Variants in EEF1D observed in about 807,000 individuals in gnomAD.
The protein encoded by EEF1D is elongation factor 1-delta.
Under a neutral mutation model 63.9 loss-of-function variants are expected in EEF1D, and 47 were observed. The ratio of observed to expected loss-of-function variants is 0.74; its 90% CI spans 0.58 to 0.94. The LOEUF is 0.94. Ranked by LOEUF, EEF1D falls within the 40% of genes least tolerant of loss-of-function variation. The pLI is 0.00. For synonymous variants in EEF1D, 412 were observed against 386.1 expected (o/e 1.07, Z -0.79); for missense variants, 907 against 899.0 (o/e 1.01, Z -0.11).
intron 5 of EEF1D, 157 bp downstream of exon 5, chr8:143,586,062 C>A (rs976875827): frequency 2.9e-5 from 17 of 593,886 alleles, no homozygotes; most frequent in Non-Finnish European, 5.1e-5. Flanking sequence ...GCAGTCCGGG[C>A]ATGGAGGTCA....
At chr8:143,581,459 G>A (rs1388332366) in intron 5 of EEF1D, 131 bp from the exon 6 acceptor site, 1 of 759,210 alleles carries the variant, frequency 1.3e-6, no homozygotes, top group Non-Finnish European at 2.1e-6. Flanking sequence ...CCCCGCTGAT[G>A]CCCAGCTCAA....
Position 143,580,201 on chromosome 8 carries a change from A to C in EEF1D, c.1716T>G (p.Asp572Glu), listed in dbSNP as rs752064169. ...CCAGCTGGGCCATGTCCGTCTCATC[A>C]TCCCACTGTGGGGAAAGGGGAGGAA... ...SSILLDVKPW[D>E]DETDMAQLEA... is the part of the protein sequence containing the mutation. Residue 572 changes from aspartate to glutamate, a missense_variant, in exon 9 of 10, where the codon GAT becomes GAG. Transcript: ENST00000618139. 2.9e-5 allele frequency: 47 copies of C among 1,612,748 alleles called. 7 individuals are homozygous for C. In the Admixed American group the frequency reaches 4.2e-4, roughly 14 times the overall value.
At position 143,580,565 on chromosome 8, in the gene EEF1D, TCTC is replaced by T. The variant is rs780613135; in HGVS notation, c.1648_1650del (p.Glu550del). 4 of 1,613,164 alleles carry T rather than the reference TCTC, an allele frequency of 2.5e-6. No individual in the cohort carries two copies. The highest frequency in any genetic ancestry group is 1.3e-5 in the African/African-American group (1 of 74,908). ...ACCAGTGCAGGCTTCTTGGCCTTCT[TCTC>T]CGCGTACTGCCGTAGCCGCTCCTCC... On this transcript the variant is annotated inframe_deletion, in exon 8 of 10. Transcript: ENST00000618139.
At chr8:143,580,945 A>G (rs1825380238) in intron 7 of EEF1D, 109 bp downstream of exon 7, 3 of 1,322,828 alleles carry the variant, frequency 2.3e-6, no homozygotes, top group Non-Finnish European at 3.2e-6. Context: ...GGACTCCAGT[A>G]TCCTGGCTGC....
chr8:143,590,680 G>T, intron 2 of EEF1D: 1 of 605,550 alleles, frequency 1.7e-6, no homozygotes, highest in Non-Finnish European at 2.1e-6. Flanking sequence ...CGAGGCGGGC[G>T]GATCACAGGG....
intron 5 of EEF1D, chr8:143,581,567 G>C (rs1301220053): frequency 1.7e-6 from 1 of 575,090 alleles, no homozygotes; most frequent in African/African-American, 1.9e-5. Context: ...CAGAGACGGA[G>C]GCTGTGGGGA....
rs3207803 is a variant in EEF1D, at chr8:143,581,085, G to C, written c.1457C>G (p.Pro486Arg). The change falls in exon 7 of 10, where the codon CCT becomes CGT. Residue 486 changes from proline (P) to arginine (R), a missense_variant. By Grantham distance (103) the Pro-to-Arg change is moderately radical. Transcript: ENST00000618139. ...ARLNVLEKSS[P>R]GHRATAPQTQ... ...CTGTGGGGCCGTGGCCCGGTGGCCAGGCGAGCTCTTCTCCAGCACGTTCAG... is the reference window on the plus strand; with the variant it reads ...CTGTGGGGCCGTGGCCCGGTGGCCACGCGAGCTCTTCTCCAGCACGTTCAG... 11 of 1,612,340 alleles carry C rather than the reference G, an allele frequency of 6.8e-6. No homozygotes were observed. Among genetic ancestry groups the C allele is most frequent in the Non-Finnish European group, 9.3e-6 (11 of 1,179,970 alleles).
chr8:143,593,992 A>G (rs1828402203), intron 1 of EEF1D: 2 of 886,180 alleles, frequency 2.3e-6, no homozygotes, highest in African/African-American at 1.8e-5. Context: ...GGAGCAGGAC[A>G]CAGCGACTCT....
At chr8:143,588,242 C>T (rs1363637316) in intron 3 of EEF1D, among the ~76,000 whole-genome samples, 2 of 152,206 alleles carry the variant, frequency 1.3e-5, no homozygotes, top group African/African-American at 2.4e-5. Flanking sequence ...TTGGGACCTT[C>T]AGAGTCCTTC....
chr8:143,580,836 G>A (rs1825357016), intron 7 of EEF1D, 109 bp from the exon 8 acceptor site: 3 of 1,343,664 alleles, frequency 2.2e-6, no homozygotes, highest in South Asian at 2.4e-5. Flanking sequence ...AGGAAGGGCA[G>A]CCCCTGTGTA....
chr8:143,590,250 T>C, intron 2 of EEF1D, 169 bp from the exon 3 acceptor site: 1 of 1,042,778 alleles, frequency 9.6e-7, no homozygotes, highest in South Asian at 1.4e-5. Context: ...ATTCGAGGAC[T>C]TCGAAGTCAA....
At chr8:143,581,451 C>G in intron 5 of EEF1D, 123 bp from the exon 6 acceptor site, 2 of 795,046 alleles carry the variant, frequency 2.5e-6, no homozygotes, top group Non-Finnish European at 3.9e-6. Context: ...GAGGTGCCCC[C>G]CGCTGATGCC....
chr8:143,579,950 G>C (rs1825007040), intron 9 of EEF1D, 62 bp downstream of exon 9: 1 of 1,574,884 alleles, frequency 6.3e-7, no homozygotes, highest in Admixed American at 1.7e-5. Flanking sequence ...GGGGTGGAGT[G>C]CAGGGTATGG....
In EEF1D at chr8:143,580,736, G is replaced by A. The variant is rs1825329325; in HGVS notation, c.1489-9C>T. 4 of 1,612,002 alleles carry A rather than the reference G, an allele frequency of 2.5e-6. No homozygotes were observed. Among genetic ancestry groups the A allele is most frequent in the Non-Finnish European group, 3.4e-6 (4 of 1,179,988 alleles). ...CGCATGGGAGATACGTGCTGCCACA[G>A]GGGAAGGGACAGGAGGCACGGCTGA... On this transcript the variant is annotated splice_polypyrimidine_tract_variant and intron_variant, in intron 7 of 9. Coordinates refer to ENST00000618139, the MANE Select transcript of EEF1D (RefSeq NM_001130053.5).
intron 2 of EEF1D, 140 bp downstream of exon 2, chr8:143,592,507 C>T: frequency 1.2e-6 from 1 of 830,032 alleles, no homozygotes; most frequent in Non-Finnish European, 1.5e-6. Flanking sequence ...AATTCCTCCA[C>T]TTTCCAGATG....
intron 3 of EEF1D, among the ~76,000 whole-genome samples, chr8:143,588,009 C>T (rs889346055): frequency 2.6e-5 from 4 of 152,198 alleles, no homozygotes; most frequent in African/African-American, 7.2e-5. Flanking sequence ...AGTGTCCTCT[C>T]GGTAACAAAG....
chr8:143,590,243 C>T lies in EEF1D; in HGVS notation c.1-162G>A, dbSNP rs555092425. Reference sequence around the variant, plus strand: ...AGTGGGGCTTCCATGAGATGACATTCGAGGACTTCGAAGTCAAGCCCATGT... The same window carrying T: ...AGTGGGGCTTCCATGAGATGACATTTGAGGACTTCGAAGTCAAGCCCATGT... On this transcript the variant is annotated intron_variant, in intron 2 of 9. Coordinates refer to ENST00000618139, the MANE Select transcript of EEF1D (RefSeq NM_001130053.5). 466 of 1,063,548 alleles carry T rather than the reference C, an allele frequency of 4.4e-4. 1 individual carries two copies. The highest frequency in any genetic ancestry group is 1.2e-3 in the Admixed American group (56 of 46,698). 65.9% of individuals were successfully genotyped at this position (1,063,548 alleles called of 1,614,324 possible).
In EEF1D at chr8:143,581,047, C is replaced by T. The variant is rs368574271; in HGVS notation, c.1488+7G>A. On this transcript the variant is annotated splice_region_variant and intron_variant, in intron 7 of 9. Transcript: ENST00000618139. The stretch of plus-strand genomic sequence containing the variant: ...CCTGCAGTGTCAGGCGTGGGGAGAG[C>T]ATTCACCTGGGTCTGTGGGGCCGTG... 23 of 1,611,176 alleles carry T rather than the reference C, an allele frequency of 1.4e-5. No homozygotes were observed. Among genetic ancestry groups the T allele is most frequent in the Non-Finnish European group, 1.6e-5 (19 of 1,179,712 alleles).
chr8:143,582,648 C>T (rs10099134), intron 5 of EEF1D: 111,242 of 152,004 alleles, frequency 0.73, 41,083 homozygotes, highest in East Asian at 0.88. Context: ...CGGGGGCCGT[C>T]TCACCACTGC....
Sources: allele counts gnomAD v4.1 joint callset (sites outside exome capture counted in the v4.1 genomes callset), GRCh38; gene constraint gnomAD v4.1.1; transcripts MANE v1.5; gene names NCBI Gene and HGNC (gene_info 2026-07-23, HGNC 2026-07-21).